Variants in ANAPC10 observed in about 807,000 individuals in gnomAD.
ANAPC10 encodes anaphase-promoting complex subunit 10.
ANAPC10 carries 12 observed loss-of-function variants against 22.0 expected under a neutral mutation model. The ratio of observed to expected loss-of-function variants is 0.55; its 90% CI spans 0.35 to 0.88. The LOEUF (loss-of-function observed/expected upper bound fraction) is 0.88. ANAPC10 is among the 40% of genes least tolerant of loss of function. The pLI is 0.01. For synonymous variants in ANAPC10, 65 were observed against 69.5 expected, an observed-to-expected ratio of 0.94 and a Z score of 0.32; for missense variants, 188 against 220.9, an observed-to-expected ratio of 0.85 and a Z score of 0.94.
Position 145,063,585 on chromosome 4 carries a change from C to T in ANAPC10, c.327+987G>A, listed in dbSNP as rs116800815. ...AAGTGCTTCCCAAATCTCTCAGAAC[C>T]ACCAGATTTTAATGATTATTTGGGC... is the stretch of plus-strand genomic sequence containing the variant. On this transcript the variant is annotated intron_variant, in intron 4 of 4. Transcript: ENST00000507656. Among the ~76,000 whole-genome samples the T allele has an allele frequency of 2.4e-3, 372 of 152,172 alleles. 1 individual carries two copies. Among genetic ancestry groups the T allele is most frequent in the African/African-American group, 8.3e-3 (344 of 41,534 alleles).
intron 4 of ANAPC10, among the ~76,000 whole-genome samples, chr4:145,029,217 A>G (rs1737186572): frequency 6.6e-6 from 1 of 152,106 alleles, no homozygotes; most frequent in Non-Finnish European, 1.5e-5. Flanking sequence ...AGTAGTGGCA[A>G]CATCCCCTCC....
At chr4:145,070,487 A>C (rs1744335696) in intron 3 of ANAPC10, among the ~76,000 whole-genome samples, 1 of 152,216 alleles carries the variant, frequency 6.6e-6, no homozygotes. Context: ...CATTAGGATG[A>C]CTATTATCAA....
chr4:145,022,891 T>C (rs1475037710), intron 4 of ANAPC10, among the ~76,000 whole-genome samples: 1 of 152,042 alleles, frequency 6.6e-6, no homozygotes, highest in Non-Finnish European at 1.5e-5. Flanking sequence ...TGTATTATTA[T>C]ACTTAAAGTT....
At chr4:145,059,217 T>C (rs1002345540) in intron 4 of ANAPC10, among the ~76,000 whole-genome samples, 1 of 152,064 alleles carries the variant, frequency 6.6e-6, no homozygotes, top group African/African-American at 2.4e-5. Flanking sequence ...CTCTATCACA[T>C]ACATTAGGGG....
chr4:145,017,392 G>C (rs1456955707), intron 4 of ANAPC10, among the ~76,000 whole-genome samples: 1 of 152,224 alleles, frequency 6.6e-6, no homozygotes, highest in African/African-American at 2.4e-5. Context: ...CTGGTCATCA[G>C]AGAAATGCAA....
intron 4 of ANAPC10, among the ~76,000 whole-genome samples, chr4:145,022,693 A>G (rs1261251829): frequency 1.3e-5 from 2 of 151,876 alleles, no homozygotes; most frequent in Admixed American, 6.6e-5. Context: ...GCATTCATAT[A>G]TAGAACTTTC....
At chr4:145,090,000 C>A (rs926474706) in intron 2 of ANAPC10, among the ~76,000 whole-genome samples, 1 of 152,166 alleles carries the variant, frequency 6.6e-6, no homozygotes, top group South Asian at 2.1e-4. Flanking sequence ...TTCTACCTAA[C>A]TATACAGCTT....
intron 4 of ANAPC10, among the ~76,000 whole-genome samples, chr4:145,053,275 T>C (rs1046859350): frequency 5.3e-5 from 8 of 152,208 alleles, no homozygotes; most frequent in Non-Finnish European, 8.8e-5. Flanking sequence ...CTAAAGACTT[T>C]AGGCTCAATA....
At chr4:145,034,247 C>T (rs6537326) in intron 4 of ANAPC10, among the ~76,000 whole-genome samples, 50,663 of 151,646 alleles carry the variant, frequency 0.33, 9,074 homozygotes, top group Middle Eastern at 0.41. Flanking sequence ...ATCTGAGTCA[C>T]TGGGCTGAGA....
At chr4:145,090,252 A>C (rs189932680) in intron 2 of ANAPC10, among the ~76,000 whole-genome samples, 6 of 152,190 alleles carry the variant, frequency 3.9e-5, no homozygotes, top group African/African-American at 1.4e-4. Context: ...TATAATGTAA[A>C]TATGTAAAAA....
At chr4:145,038,328 C>A (rs1310446548) in intron 4 of ANAPC10, among the ~76,000 whole-genome samples, 5 of 151,818 alleles carry the variant, frequency 3.3e-5, no homozygotes, top group Non-Finnish European at 7.4e-5. Flanking sequence ...GCCTGGCCAA[C>A]ATGGCAAAAC....
At chr4:145,069,353 A>C (rs1744160430) in intron 3 of ANAPC10, among the ~76,000 whole-genome samples, 1 of 152,212 alleles carries the variant, frequency 6.6e-6, no homozygotes, top group African/African-American at 2.4e-5. Flanking sequence ...CACAAAGAAA[A>C]AACTCCAGAA....
intron 4 of ANAPC10, among the ~76,000 whole-genome samples, chr4:145,030,794 G>GT (rs1348264500): frequency 3.9e-5 from 6 of 152,156 alleles, no homozygotes; most frequent in Non-Finnish European, 5.9e-5. Flanking sequence ...ATCAAAAACA[G>GT]TATCACATCC....
At chr4:145,096,259 G>A (rs1748501244) in intron 1 of ANAPC10, 148 bp from the exon 2 acceptor site, 1 of 900,214 alleles carries the variant, frequency 1.1e-6, no homozygotes, top group Non-Finnish European at 1.6e-6. Flanking sequence ...TTAAATCACT[G>A]TAATTTAAAT....
At chr4:145,041,033 A>G (rs1739433789) in intron 4 of ANAPC10, among the ~76,000 whole-genome samples, 1 of 152,282 alleles carries the variant, frequency 6.6e-6, no homozygotes, top group African/African-American at 2.4e-5. Flanking sequence ...AAAAAAAACA[A>G]CTGAAGTAGC....
At position 145,098,143 on chromosome 4, in the gene ANAPC10, C is replaced by G. The variant is rs1748886714; in HGVS notation, c.-36G>C. On this transcript the variant is annotated 5_prime_UTR_variant, in exon 1 of 5. Coordinates refer to ENST00000507656, the MANE Select transcript of ANAPC10 (RefSeq NM_001256706.2). ...ACAGTTTCCAGACCTGGCTGCTTGC[C>G]GAAACTCAGATTCTCGGCACCTCCA... The G allele has an allele frequency of 6.6e-6, 1 of 152,592 alleles. No individual in the cohort carries two copies. The highest frequency in any genetic ancestry group is 1.5e-5 in the Non-Finnish European group (1 of 68,322). The allele number at this position is 152,592 out of a possible 1,614,324, so 9.5% of individuals were successfully genotyped here.
chr4:145,042,586 A>C (rs1739672468), intron 4 of ANAPC10, among the ~76,000 whole-genome samples: 1 of 151,984 alleles, frequency 6.6e-6, no homozygotes, highest in African/African-American at 2.4e-5. Flanking sequence ...TACTTTTTTG[A>C]TGTGCCAATA....
At chr4:145,010,266 A>G (rs1427722633) in intron 4 of ANAPC10, among the ~76,000 whole-genome samples, 1 of 152,130 alleles carries the variant, frequency 6.6e-6, no homozygotes, top group Non-Finnish European at 1.5e-5. Context: ...ACAGTGTGGC[A>G]ATTCCTCAGG....
chr4:145,040,280 G>A (rs1739319645), intron 4 of ANAPC10, among the ~76,000 whole-genome samples: 1 of 152,008 alleles, frequency 6.6e-6, no homozygotes, highest in South Asian at 2.1e-4. Flanking sequence ...CTCCTGAGTA[G>A]CTAGGATACA....
Sources: allele counts gnomAD v4.1 joint callset (sites outside exome capture counted in the v4.1 genomes callset), GRCh38; gene constraint gnomAD v4.1.1; transcripts MANE v1.5; gene names NCBI Gene and HGNC (gene_info 2026-07-23, HGNC 2026-07-21).